FAM83B: variants seen among roughly 807,000 people sequenced by gnomAD.
FAM83B encodes scaffolding CK1 anchoring protein B, also known as protein FAM83B.
Under a neutral mutation model 38.8 loss-of-function variants are expected in FAM83B, and 26 were observed. The observed-to-expected ratio is 0.67, with a 90% CI of 0.49 to 0.93. FAM83B has a LOEUF of 0.93. FAM83B is among the 40% of genes least tolerant of loss of function. The probability of loss-of-function intolerance (pLI) is 0.00; values close to 1 mark genes in which losing one functional copy is unlikely to be tolerated. For synonymous variants in FAM83B, 419 were observed against 423.1 expected, an observed-to-expected ratio of 0.99 and a Z score of 0.12; for missense variants, 1,237 against 1,197.3, an observed-to-expected ratio of 1.03 and a Z score of -0.49.
At chr6:54,861,422 T>A (rs1296905900) in intron 1 of FAM83B, among the ~76,000 whole-genome samples, 1 of 152,128 alleles carries the variant, frequency 6.6e-6, no homozygotes, top group Non-Finnish European at 1.5e-5. Context: ...CCAGGGATGG[T>A]GGGGCGTGTC....
At chr6:54,896,833 A>C (rs1206391902) in intron 2 of FAM83B, among the ~76,000 whole-genome samples, 2 of 152,222 alleles carry the variant, frequency 1.3e-5, no homozygotes, top group Non-Finnish European at 2.9e-5. Flanking sequence ...TACTTAAAGA[A>C]GTCACATTTC....
chr6:54,908,450 T>C (rs1487888300), intron 2 of FAM83B, among the ~76,000 whole-genome samples: 6 of 152,264 alleles, frequency 3.9e-5, no homozygotes, highest in African/African-American at 1.4e-4. Context: ...AAATATTGTA[T>C]GCATTTAGCA....
intron 1 of FAM83B, among the ~76,000 whole-genome samples, chr6:54,855,865 T>A (rs1350685814): frequency 6.6e-6 from 1 of 152,232 alleles, no homozygotes; most frequent in East Asian, 1.9e-4. Context: ...AAGAAATGAA[T>A]CATCTTTGAT....
chr6:54,901,791 T>TTTAA (rs1194361051), intron 2 of FAM83B, among the ~76,000 whole-genome samples: 1 of 152,194 alleles, frequency 6.6e-6, no homozygotes, highest in African/African-American at 2.4e-5. Flanking sequence ...AATTAAGCAC[T>TTTAA]TTAACTCTGA....
intron 2 of FAM83B, among the ~76,000 whole-genome samples, chr6:54,875,349 G>T (rs1561910479): frequency 6.6e-6 from 1 of 151,970 alleles, no homozygotes; most frequent in African/African-American, 2.4e-5. Context: ...GTTTATCTGT[G>T]CCTTCATTAG....
At chr6:54,861,697 T>C (rs1232728240) in intron 1 of FAM83B, among the ~76,000 whole-genome samples, 3 of 152,132 alleles carry the variant, frequency 2.0e-5, no homozygotes, top group Non-Finnish European at 4.4e-5. Flanking sequence ...CCAAATCTAG[T>C]TGGAGTGTTT....
chr6:54,879,830 G>A (rs7749067), intron 2 of FAM83B, among the ~76,000 whole-genome samples: 137,326 of 152,170 alleles, frequency 0.9, 62,384 homozygotes, highest in East Asian at 1. Flanking sequence ...TGTAACAGGC[G>A]TTGGGATAAT....
At chr6:54,897,212 A>C (rs1772558105) in intron 2 of FAM83B, among the ~76,000 whole-genome samples, 1 of 148,534 alleles carries the variant, frequency 6.7e-6, no homozygotes, top group Non-Finnish European at 1.5e-5. Context: ...TATGGCAGTA[A>C]CCCATGTTGT....
At chr6:54,935,237 G>A (rs767646244) in intron 4 of FAM83B, among the ~76,000 whole-genome samples, 7 of 152,070 alleles carry the variant, frequency 4.6e-5, no homozygotes, top group African/African-American at 7.2e-5. Context: ...CCCTGGAAGT[G>A]CAGTCCTAAA....
chr6:54,910,446 G>A (rs756361036), intron 2 of FAM83B, among the ~76,000 whole-genome samples: 1 of 151,974 alleles, frequency 6.6e-6, no homozygotes, highest in East Asian at 1.9e-4. Flanking sequence ...CTGCCCTTTC[G>A]TTTTCCGAGG....
chr6:54,864,578 G>A (rs1771658026), intron 1 of FAM83B, among the ~76,000 whole-genome samples: 1 of 152,144 alleles, frequency 6.6e-6, no homozygotes, highest in Non-Finnish European at 1.5e-5. Context: ...ATTTTTTAAT[G>A]AGTTTGGATG....
intron 2 of FAM83B, among the ~76,000 whole-genome samples, chr6:54,924,852 T>C (rs1319291916): frequency 6.6e-6 from 1 of 152,146 alleles, no homozygotes; most frequent in Non-Finnish European, 1.5e-5. Context: ...TAGTTCTAAC[T>C]GGCCTCCATG....
intron 1 of FAM83B, among the ~76,000 whole-genome samples, chr6:54,867,948 G>A (rs1381181150): frequency 2.0e-5 from 3 of 152,116 alleles, no homozygotes; most frequent in Non-Finnish European, 2.9e-5. Flanking sequence ...AATTACAGAT[G>A]TAATTTATCA....
At chr6:54,886,037 T>C (rs1772267477) in intron 2 of FAM83B, among the ~76,000 whole-genome samples, 2 of 152,148 alleles carry the variant, frequency 1.3e-5, no homozygotes, top group South Asian at 4.1e-4. Context: ...TTTATCATTT[T>C]ATCATGTCAT....
chr6:54,874,570 T>A lies in FAM83B; in HGVS notation c.444+3880T>A, dbSNP rs188439640. Among the ~76,000 whole-genome samples, 4 of 152,286 alleles carry A rather than the reference T, an allele frequency of 2.6e-5. No individual in the cohort carries two copies. The East Asian group carries it at 7.7e-4, about 29-fold the overall frequency. ...TCCTAATTACTGTGAACTCCTCTTA[T>A]GAAAACATCCCCTCTAATTACTTAA... On this transcript the variant is annotated intron_variant, in intron 2 of 4. Coordinates refer to ENST00000306858, the MANE Select transcript of FAM83B (RefSeq NM_001010872.3).
At chr6:54,852,631 A>G (rs1771331770) in intron 1 of FAM83B, among the ~76,000 whole-genome samples, 1 of 152,242 alleles carries the variant, frequency 6.6e-6, no homozygotes, top group Non-Finnish European at 1.5e-5. Context: ...AGAAATGATT[A>G]AGCTCAGTGA....
intron 2 of FAM83B, among the ~76,000 whole-genome samples, chr6:54,890,209 G>A (rs1444985705): frequency 6.8e-6 from 1 of 146,346 alleles, no homozygotes; most frequent in Non-Finnish European, 1.5e-5. Context: ...TTGACACATT[G>A]AAATAAGAAA....
intron 1 of FAM83B, among the ~76,000 whole-genome samples, chr6:54,849,642 T>G (rs192712053): frequency 6.6e-6 from 1 of 151,868 alleles, no homozygotes; most frequent in Non-Finnish European, 1.5e-5. Flanking sequence ...TGTTGGGAAG[T>G]CCTGGAATCA....
At chr6:54,877,511 T>G (rs1772027519) in intron 2 of FAM83B, among the ~76,000 whole-genome samples, 1 of 152,230 alleles carries the variant, frequency 6.6e-6, no homozygotes, top group South Asian at 2.1e-4. Context: ...ATTATTGATT[T>G]ATTTAACTAG....
Sources: allele counts gnomAD v4.1 joint callset (sites outside exome capture counted in the v4.1 genomes callset), GRCh38; gene constraint gnomAD v4.1.1; transcripts MANE v1.5; gene names NCBI Gene and HGNC (gene_info 2026-07-23, HGNC 2026-07-21).